Variants in SEC16A observed in about 807,000 individuals in gnomAD.
The protein encoded by SEC16A is SEC16 homolog A, endoplasmic reticulum export factor.
SEC16A carries 110 observed loss-of-function variants against 221.9 expected under a neutral mutation model. That is an observed-to-expected ratio of 0.50 (90% confidence interval 0.42 to 0.58). SEC16A has a LOEUF of 0.58. SEC16A is among the 20% of genes least tolerant of loss of function. SEC16A has a pLI of 0.00. For missense variants in SEC16A, 3,165 were observed against 3,097.8 expected (o/e 1.02, Z -0.52); for synonymous variants, 1,393 against 1,257.7 (o/e 1.11, Z -2.28).
intron 3 of SEC16A, 106 bp from the exon 4 acceptor site, chr9:136,472,217 C>A (rs1840971660): frequency 5.2e-6 from 7 of 1,352,336 alleles, no homozygotes; most frequent in Non-Finnish European, 7.2e-6. Flanking sequence ...GCATTAGATA[C>A]CTACCAAGAG....
At chr9:136,482,000 GA>G (rs1025596579) in intron 1 of SEC16A, among the ~76,000 whole-genome samples, 4 of 150,866 alleles carry the variant, frequency 2.7e-5, no homozygotes, top group African/African-American at 9.7e-5. Context: ...CAAAGAAAAA[GA>G]AAAAAAAAGT....
intron 20 of SEC16A, among the ~76,000 whole-genome samples, chr9:136,454,555 G>A (rs1303725299): frequency 6.6e-6 from 1 of 152,222 alleles, no homozygotes; most frequent in Non-Finnish European, 1.5e-5. Flanking sequence ...GGGCACTTGA[G>A]CAGTCACAGC....
intron 13 of SEC16A, 141 bp from the exon 14 acceptor site, chr9:136,460,264 G>A (rs1839301875): frequency 3.2e-6 from 2 of 618,534 alleles, no homozygotes; most frequent in Non-Finnish European, 5.7e-6. Flanking sequence ...GAAGTTAAGA[G>A]ACTAACATGG....
rs758659758 is a variant in SEC16A, at chr9:136,476,523, C to G, written c.1093G>C (p.Asp365His). The G allele has an allele frequency of 1.2e-6, 2 of 1,612,868 alleles. No homozygotes were observed. The highest frequency in any genetic ancestry group is 1.1e-5 in the South Asian group (1 of 91,046). ...GCCAGAGCTCCTGAAGCTCCTGAGT[C>G]TGCTTCTAGCGGGGCACAGCCAGAC... ...AGSGCAPLEA[D>H]SGASGALAMF... The change falls in exon 3 of 32, where the codon GAC becomes CAC. Residue 365 changes from aspartate (D) to histidine (H), a missense_variant. By Grantham distance (81) the Asp-to-His change is moderately conservative (BLOSUM62 -1). Transcript: ENST00000684901.
rs370085010 is a variant in SEC16A at position 136,475,470 on chromosome 9, C to A, written c.2146G>T (p.Val716Leu). Residue 716 changes from valine (V) to leucine (L), a missense_variant, in exon 3 of 32, where the codon GTG becomes TTG. By Grantham distance (32) the Val-to-Leu change is conservative. Transcript: ENST00000684901. The surrounding 1 kb of genome is among the most constrained non-coding windows in gnomAD (Gnocchi z 5.0). ...KRPSARTQGP[V>L]KCESPATTLW... ...GTCGTTGCTGGGCTCTCACACTTCACGGGCCCCTGGGTCCTGGCTGAAGGC... is the reference window on the plus strand; with the variant it reads ...GTCGTTGCTGGGCTCTCACACTTCAAGGGCCCCTGGGTCCTGGCTGAAGGC... 3 of 1,607,206 alleles carry A rather than the reference C, an allele frequency of 1.9e-6. No homozygotes were observed. Among genetic ancestry groups the A allele is most frequent in the Non-Finnish European group, 2.6e-6 (3 of 1,175,858 alleles).
At chr9:136,479,592 T>C (rs1589025018) in intron 1 of SEC16A, among the ~76,000 whole-genome samples, 2 of 152,078 alleles carry the variant, frequency 1.3e-5, no homozygotes. Context: ...GACCTCATAA[T>C]CCACCCGCCT....
chr9:136,459,073 G>A lies in SEC16A; in HGVS notation c.5409+61C>T. The A allele has an allele frequency of 8.1e-7, 1 of 1,237,984 alleles. No homozygotes were observed. Among genetic ancestry groups the A allele is most frequent in the Non-Finnish European group, 1.1e-6 (1 of 882,264 alleles). 76.7% of individuals were successfully genotyped at this position (1,237,984 alleles called of 1,614,324 possible). A position where few individuals can be genotyped will look rare whatever the true frequency, so the allele number is the denominator to read the frequency against. Reference sequence around the variant, plus strand: ...ATTCAAACAATCTAAGTAGCCAAAAGCTTGTTAGCACTGAGTGCCTGCCCA... The same window carrying A: ...ATTCAAACAATCTAAGTAGCCAAAAACTTGTTAGCACTGAGTGCCTGCCCA... On this transcript the variant is annotated intron_variant, in intron 17 of 31. Coordinates refer to ENST00000684901, the MANE Select transcript of SEC16A (RefSeq NM_014866.2). This position sits in a 1 kb window ranked among gnomAD's most constrained non-coding sequence, Gnocchi z 6.1.
At chr9:136,482,746 C>G (rs1656712029) in intron 1 of SEC16A, among the ~76,000 whole-genome samples, 192 bp downstream of exon 1, 1 of 152,072 alleles carries the variant, frequency 6.6e-6, no homozygotes, top group South Asian at 2.1e-4. Flanking sequence ...TCCGGCCTTC[C>G]GCTCTGGCCC....
chr9:136,444,995 G>GAAC, intron 30 of SEC16A, 57 bp downstream of exon 30: 2 of 1,515,566 alleles, frequency 1.3e-6, no homozygotes. Flanking sequence ...GCGTGCTCAG[G>GAAC]AACACAGGCG....
At chr9:136,454,048 C>T in intron 21 of SEC16A, 61 bp downstream of exon 21, 1 of 1,407,612 alleles carries the variant, frequency 7.1e-7, no homozygotes, top group South Asian at 1.2e-5. Context: ...TTCCACCAAT[C>T]CCCACAAACA....
chr9:136,475,006 G>A lies in SEC16A; in HGVS notation c.2610C>T (p.Val870=), dbSNP rs1158705414. ...REALVGDRPA[V]SSWALGGDSG... ...AATCACCACCGAGAGCCCAACTGCT[G>A]ACTGCAGGTCTATCCCCCACCAAAG... The change falls in exon 3 of 32, where the codon GTC becomes GTT. Residue 870 remains valine (V), a synonymous_variant. Coordinates refer to ENST00000684901, the MANE Select transcript of SEC16A (RefSeq NM_014866.2). This position sits in a 1 kb window ranked among gnomAD's most constrained non-coding sequence, Gnocchi z 5.0. 5 of 1,613,552 alleles carry A rather than the reference G, an allele frequency of 3.1e-6. No individual in the cohort carries two copies. In the African/African-American group the frequency reaches 5.3e-5, roughly 17 times the overall value.
chr9:136,470,787 A>C (rs1840748486), intron 4 of SEC16A, among the ~76,000 whole-genome samples: 1 of 152,342 alleles, frequency 6.6e-6, no homozygotes, highest in Non-Finnish European at 1.5e-5. Flanking sequence ...CCTTTCAAAA[A>C]CAAGTGCAGG....
chr9:136,457,374 G>A (rs1043739762), intron 18 of SEC16A, 70 bp downstream of exon 18: 24 of 1,506,280 alleles, frequency 1.6e-5, no homozygotes, highest in Admixed American at 8.1e-5. Context: ...CCCCATGCCC[G>A]GGGGCTCTGG....
rs533127181 is a variant in SEC16A at position 136,454,307 on chromosome 9, C to G, written c.5878G>C (p.Gly1960Arg). ...LPSAPQTLPDGPLASPARVPM... is the reference protein window; with the variant it reads ...LPSAPQTLPDRPLASPARVPM... The stretch of plus-strand genomic sequence containing the variant: ...ACTCTGGCAGGACTGGCCAATGGGC[C>G]GTCAGGGAGCGTCTGCGGAGCTGCA... Residue 1960 changes from glycine to arginine, a missense_variant, in exon 21 of 32, where the codon GGC becomes CGC. Coordinates refer to ENST00000684901, the MANE Select transcript of SEC16A (RefSeq NM_014866.2). 9.5e-6 allele frequency: 15 copies of G among 1,577,658 alleles called. No homozygotes were observed. The East Asian group carries it at 3.2e-4, about 34-fold the overall frequency.
chr9:136,457,678 T>C, intron 17 of SEC16A, 94 bp from the exon 18 acceptor site: 1 of 1,442,518 alleles, frequency 6.9e-7, no homozygotes, highest in Admixed American at 2.2e-5. Context: ...CTCCCCTGCA[T>C]CCGAGCATCG....
intron 8 of SEC16A, 94 bp downstream of exon 8, chr9:136,465,868 C>T (rs2132507619): frequency 1.5e-6 from 2 of 1,323,032 alleles, no homozygotes; most frequent in East Asian, 2.4e-5. Flanking sequence ...CATCACAATT[C>T]CAATCCCAGC....
At chr9:136,444,914 C>T in intron 30 of SEC16A, 138 bp downstream of exon 30, 1 of 649,472 alleles carries the variant, frequency 1.5e-6, no homozygotes, top group Non-Finnish European at 2.7e-6. Context: ...AACCCTGTAC[C>T]CTTGGTCACG....
In SEC16A at chr9:136,476,051, G is replaced by A. The variant is rs887914749; in HGVS notation, c.1565C>T (p.Ser522Leu). 1 of 1,613,538 alleles carries A rather than the reference G, an allele frequency of 6.2e-7. No individual in the cohort carries two copies. The highest frequency in any genetic ancestry group is 8.5e-7 in the Non-Finnish European group (1 of 1,179,876). ...GTGGCTTCTGCTGCTATAGCTGGAT[G>A]ACACGCTGTCAGGGTGCACTGTATG... The part of the protein sequence containing the change: ...TLHTVHPDSV[S>L]SSYSSRSHGR... The change falls in exon 3 of 32, where the codon TCA becomes TTA. Residue 522 changes from serine to leucine, a missense_variant. By Grantham distance (145) the Ser-to-Leu change is moderately radical (BLOSUM62 -2). Transcript: ENST00000684901.
chr9:136,450,186 AGAGT>A lies in SEC16A; in HGVS notation c.6312+1066_6312+1069del, dbSNP rs2131949352. Among the ~76,000 whole-genome samples, 2 of 152,334 alleles carry A rather than the reference AGAGT, an allele frequency of 1.3e-5. 1 individual carries two copies. The highest frequency in any genetic ancestry group is 4.1e-4 in the South Asian group (2 of 4,830). ...GCCAATGCACTCCAGCCTGGCTGAC[AGAGT>A]GAGACCCTGTCTCAAAACAAACAAA... On this transcript the variant is annotated intron_variant, in intron 23 of 31. Coordinates refer to ENST00000684901, the MANE Select transcript of SEC16A (RefSeq NM_014866.2).
Sources: gnomAD v4.1 joint callset for allele counts (sites outside exome capture counted in the v4.1 genomes callset) on GRCh38, gnomAD v4.1.1 for gene constraint, Gnocchi (gnomAD v3.1) non-coding constraint, MANE v1.5 for transcripts, NCBI Gene and HGNC (gene_info 2026-07-23, HGNC 2026-07-21) for gene names.